Variants in STOX2 observed in about 807,000 individuals in gnomAD.
STOX2 encodes the protein storkhead-box protein 2.
Under a neutral mutation model 60.9 loss-of-function variants are expected in STOX2, and 28 were observed. The observed-to-expected ratio is 0.46, with a 90% CI of 0.34 to 0.63. The LOEUF (loss-of-function observed/expected upper bound fraction) is 0.63. STOX2 is among the 30% of genes least tolerant of loss of function. STOX2 has a pLI of 0.01. For synonymous variants in STOX2, 472 were observed against 463.9 expected, an observed-to-expected ratio of 1.02 and a Z score of -0.22; for missense variants, 1,024 against 1,187.7, an observed-to-expected ratio of 0.86 and a Z score of 2.03.
intron 1 of STOX2, among the ~76,000 whole-genome samples, chr4:183,890,747 C>T (rs10026024): frequency 0.51 from 77,168 of 151,938 alleles, 20,881 homozygotes; most frequent in East Asian, 0.62. Context: ...TAAGAATGCT[C>T]GGAAGGGTAA....
At chr4:183,833,851 A>G (rs371019626) in intron 1 of STOX2, among the ~76,000 whole-genome samples, 2,154 of 151,456 alleles carry the variant, frequency 0.014, 44 homozygotes, top group Admixed American at 0.022. Flanking sequence ...GCGTGGTGGC[A>G]GGCGCCTGTA....
chr4:183,808,106 C>T (rs6816824), intron 1 of STOX2, among the ~76,000 whole-genome samples: 7,838 of 152,272 alleles, frequency 0.051, 676 homozygotes, highest in African/African-American at 0.18. Context: ...TTTTAAATCT[C>T]TGTTCTCTGG....
chr4:183,921,781 A>G (rs191838724), intron 1 of STOX2, among the ~76,000 whole-genome samples: 5 of 152,358 alleles, frequency 3.3e-5, no homozygotes, highest in Admixed American at 2.6e-4. Flanking sequence ...AATATATAAT[A>G]GTTAAAAATG....
intron 1 of STOX2, among the ~76,000 whole-genome samples, chr4:183,841,025 A>C (rs1304173944): frequency 6.6e-6 from 1 of 151,882 alleles, no homozygotes; most frequent in Non-Finnish European, 1.5e-5. Flanking sequence ...ACACCACTAC[A>C]TCCGGCTAAT....
intron 1 of STOX2, among the ~76,000 whole-genome samples, chr4:183,850,798 A>T (rs1028935251): frequency 6.6e-6 from 1 of 152,074 alleles, no homozygotes; most frequent in Non-Finnish European, 1.5e-5. Flanking sequence ...TCATCATGTG[A>T]CAAATGGGAG....
chr4:183,939,662 G>T (rs1742696866), intron 1 of STOX2, among the ~76,000 whole-genome samples: 1 of 152,022 alleles, frequency 6.6e-6, no homozygotes, highest in African/African-American at 2.4e-5. Context: ...GTGGTTGCTG[G>T]AGAGAGAGGG....
rs1579307018 is a variant in STOX2, at chr4:183,825,865, C to T, written c.364+27810C>T. On this transcript the variant is annotated intron_variant, in intron 1 of 2. Transcript: ENST00000513034. The surrounding 1 kb of genome is among the most constrained non-coding windows in gnomAD (Gnocchi z 4.1). Reference sequence around the variant, plus strand: ...TGTTTGGGGAAGTTTAGTCTGGGAACGAGTATGGCAGTCAGTTTGGCAAAT... The same window carrying T: ...TGTTTGGGGAAGTTTAGTCTGGGAATGAGTATGGCAGTCAGTTTGGCAAAT... 3.3e-5 allele frequency among the ~76,000 whole-genome samples: 5 copies of T among 152,186 alleles called. No individual in the cohort carries two copies. In the South Asian group the frequency reaches 1.0e-3, roughly 32 times the overall value.
chr4:183,984,478 C>G (rs1037611962), intron 1 of STOX2, among the ~76,000 whole-genome samples: 7 of 152,240 alleles, frequency 4.6e-5, no homozygotes, highest in Admixed American at 1.3e-4. Context: ...AGAGTGTGCA[C>G]CAAGGTTTGT....
At chr4:183,873,720 C>T (rs1198053541) in intron 1 of STOX2, among the ~76,000 whole-genome samples, 1 of 152,156 alleles carries the variant, frequency 6.6e-6, no homozygotes, top group African/African-American at 2.4e-5. Flanking sequence ...TGGAAGAAAG[C>T]TACTTAAATC....
chr4:183,999,118 AG>A (rs959738212), intron 1 of STOX2, among the ~76,000 whole-genome samples: 2 of 152,186 alleles, frequency 1.3e-5, no homozygotes, highest in African/African-American at 4.8e-5. Context: ...AGGAAAAAAA[AG>A]GATATGACAA....
chr4:183,892,428 G>A (rs376462576), intron 1 of STOX2, among the ~76,000 whole-genome samples: 96 of 152,114 alleles, frequency 6.3e-4, no homozygotes, highest in Middle Eastern at 3.4e-3. Context: ...ATGGGCGCCC[G>A]CCACCACGCC....
intron 1 of STOX2, among the ~76,000 whole-genome samples, chr4:183,945,731 C>G (rs1479588316): frequency 1.3e-5 from 2 of 152,202 alleles, no homozygotes; most frequent in African/African-American, 4.8e-5. Context: ...GTTGAGCACA[C>G]CACGAAAGAA....
chr4:183,875,695 G>A, intron 1 of STOX2, among the ~76,000 whole-genome samples: 1 of 152,236 alleles, frequency 6.6e-6, no homozygotes, highest in Non-Finnish European at 1.5e-5. Flanking sequence ...TTGAGAGGAT[G>A]AGCTCCGCTC....
rs549086291 is a variant in STOX2, at chr4:184,004,209, A to G, written c.319+2732A>G. On this transcript the variant is annotated intron_variant, in intron 2 of 3. Coordinates refer to ENST00000308497, the MANE Select transcript of STOX2 (RefSeq NM_020225.3). ...AATATTTGGATCTCATATTTAATGT[A>G]TATTTTATAAATCAAAAGTGTAGTC... 4.6e-5 allele frequency among the ~76,000 whole-genome samples: 7 copies of G among 152,330 alleles called. 1 individual carries two copies. The South Asian group carries it at 6.2e-4, about 14-fold the overall frequency.
intron 1 of STOX2, among the ~76,000 whole-genome samples, chr4:183,939,185 C>A (rs1466084027): frequency 6.6e-6 from 1 of 152,220 alleles, no homozygotes; most frequent in Non-Finnish European, 1.5e-5. Context: ...AGCAAAGTAG[C>A]ACACACTGGG....
rs552803653 is a variant in STOX2 at position 183,951,122 on chromosome 4, A to G, written c.166+44166A>G. On this transcript the variant is annotated intron_variant, in intron 1 of 3. Transcript: ENST00000308497. ...TCCCAGCTACTCGGGAGGCTGAGGC[A>G]GGAGAATGGGTGAACCCGGGAGGTG... Among the ~76,000 whole-genome samples, 568 of 149,870 alleles carry G rather than the reference A, an allele frequency of 3.8e-3. 3 individuals carry two copies. Among genetic ancestry groups the G allele is most frequent in the African/African-American group, 0.013 (550 of 40,906 alleles).
intron 1 of STOX2, among the ~76,000 whole-genome samples, chr4:183,877,590 A>G (rs909262314): frequency 1.3e-5 from 2 of 152,182 alleles, no homozygotes; most frequent in Non-Finnish European, 2.9e-5. Context: ...GGACGCATGG[A>G]AGCTTTGAGT....
At chr4:183,811,175 C>T (rs148214330) in intron 1 of STOX2, among the ~76,000 whole-genome samples, 255 of 152,140 alleles carry the variant, frequency 1.7e-3, no homozygotes, top group African/African-American at 5.6e-3. Context: ...TTTCAAAGGA[C>T]GGGGAGGGGT....
intron 1 of STOX2, among the ~76,000 whole-genome samples, chr4:183,874,575 T>C (rs1008704978): frequency 8.5e-5 from 13 of 152,062 alleles, no homozygotes; most frequent in Admixed American, 7.9e-4. Context: ...CAGAACTCTT[T>C]CTAATAGCAT....
Sources: allele counts gnomAD v4.1 joint callset (sites outside exome capture counted in the v4.1 genomes callset), GRCh38; gene constraint gnomAD v4.1.1; non-coding constraint Gnocchi (gnomAD v3.1); transcripts MANE v1.5; gene names NCBI Gene and HGNC (gene_info 2026-07-23, HGNC 2026-07-21).